The following JMY variants were observed in gnomAD, a reference collection of about 807,000 sequenced individuals.
JMY encodes junction mediating and regulatory protein, p53 cofactor.
A neutral mutation model predicts 103.3 loss-of-function variants in JMY; 46 were observed. The ratio of observed to expected loss-of-function variants is 0.45; its 90% CI spans 0.35 to 0.57. JMY has a LOEUF of 0.57. Among genes scored for constraint, JMY ranks in the 20% least tolerant of loss-of-function variants. The pLI is 0.00. For synonymous variants in JMY, 526 were observed against 489.3 expected, an observed-to-expected ratio of 1.07 and a Z score of -0.99; for missense variants, 1,238 against 1,255.2, an observed-to-expected ratio of 0.99 and a Z score of 0.21.
chr5:79,247,663 T>A (rs946781131), intron 1 of JMY, among the ~76,000 whole-genome samples: 1 of 151,670 alleles, frequency 6.6e-6, no homozygotes, highest in Non-Finnish European at 1.5e-5. Context: ...TTTATTTATT[T>A]ATTTTTTGAG....
intron 7 of JMY, among the ~76,000 whole-genome samples, chr5:79,307,581 A>G (rs1029784564): frequency 1.4e-4 from 22 of 152,230 alleles, no homozygotes; most frequent in Admixed American, 2.6e-4. Flanking sequence ...CTGGGACTAC[A>G]GGTATGGACT....
chr5:79,293,512 G>T (rs1459040630), intron 4 of JMY, among the ~76,000 whole-genome samples: 1 of 151,834 alleles, frequency 6.6e-6, no homozygotes, highest in Non-Finnish European at 1.5e-5. Context: ...TCATGTCATG[G>T]ACTCCCAAAG....
At chr5:79,315,888 A>G in intron 9 of JMY, 112 bp from the exon 10 acceptor site, 1 of 825,598 alleles carries the variant, frequency 1.2e-6, no homozygotes, top group Non-Finnish European at 2.0e-6. Flanking sequence ...CATTTTGAAG[A>G]TGGTGTTTCA....
intron 2 of JMY, among the ~76,000 whole-genome samples, chr5:79,281,384 T>G (rs1309106324): frequency 6.7e-6 from 1 of 148,228 alleles, no homozygotes; most frequent in African/African-American, 2.5e-5. Context: ...TTTTTTACTT[T>G]TAAAACCTTT....
chr5:79,288,010 G>A (rs550919077), intron 2 of JMY, among the ~76,000 whole-genome samples: 1 of 152,208 alleles, frequency 6.6e-6, no homozygotes, highest in Admixed American at 6.5e-5. Context: ...AAATTCAGAG[G>A]TAATTGCAAT....
intron 1 of JMY, among the ~76,000 whole-genome samples, chr5:79,254,566 T>C (rs1246308764): frequency 6.6e-6 from 1 of 152,190 alleles, no homozygotes; most frequent in East Asian, 1.9e-4. Flanking sequence ...CTCTCACTTC[T>C]TTTAGGATCT....
intron 1 of JMY, among the ~76,000 whole-genome samples, chr5:79,252,714 CCTT>C (rs1745125663): frequency 6.6e-6 from 1 of 152,110 alleles, no homozygotes; most frequent in Non-Finnish European, 1.5e-5. Context: ...TATATAATGA[CCTT>C]CTTTGTCTCT....
At chr5:79,270,941 G>A (rs531302778) in intron 1 of JMY, among the ~76,000 whole-genome samples, 1 of 151,838 alleles carries the variant, frequency 6.6e-6, no homozygotes, top group Non-Finnish European at 1.5e-5. Context: ...ATTATTGACT[G>A]TTGAGCTAGC....
At chr5:79,242,203 TAATA>T (rs569732282) in intron 1 of JMY, among the ~76,000 whole-genome samples, 260 of 152,332 alleles carry the variant, frequency 1.7e-3, no homozygotes, top group Middle Eastern at 3.4e-3. Flanking sequence ...GTAAGCCACA[TAATA>T]AATAGCCTGT....
intron 7 of JMY, among the ~76,000 whole-genome samples, chr5:79,311,980 C>G (rs1470966826): frequency 6.6e-6 from 1 of 152,030 alleles, no homozygotes; most frequent in Non-Finnish European, 1.5e-5. Flanking sequence ...CCACGACCGG[C>G]TAATTTTTGT....
rs1466466475 is a variant in JMY, at chr5:79,237,320, G to A, written c.670G>A (p.Ala224Thr). The A allele has an allele frequency of 1.9e-6, 3 of 1,578,322 alleles. No homozygotes were observed. Among genetic ancestry groups the A allele is most frequent in the East Asian group, 2.4e-5 (1 of 42,320 alleles). Reference protein sequence around the residue: ...PPPATELESPAEECSWAGLFS... With the variant: ...PPPATELESPTEECSWAGLFS... The stretch of plus-strand genomic sequence containing the variant: ...GCCCGCCACCGAGCTGGAGTCTCCG[G>A]CCGAAGAGTGCAGCTGGGCCGGACT... The change falls in exon 1 of 11, where the codon GCC becomes ACC. Residue 224 changes from alanine (A) to threonine (T), a missense_variant. By Grantham distance (58) the Ala-to-Thr change is moderately conservative. Coordinates refer to ENST00000396137, the MANE Select transcript of JMY (RefSeq NM_152405.5).
chr5:79,236,961 C>T lies in JMY; in HGVS notation c.311C>T (p.Pro104Leu). ...GCAACTCTGGTTAGGAGCCCCGGGC[C>T]CCGGCGGAGCTCGGCCTGGGCGGAG... Reference protein sequence around the residue: ...ASATLVRSPGPRRSSAWAEGG... With the variant: ...ASATLVRSPGLRRSSAWAEGG... Residue 104 changes from proline to leucine, a missense_variant, in exon 1 of 11, where the codon CCC becomes CTC. Coordinates refer to ENST00000396137, the MANE Select transcript of JMY (RefSeq NM_152405.5). 5 of 1,450,814 alleles carry T rather than the reference C, an allele frequency of 3.4e-6. No individual in the cohort carries two copies. The highest frequency in any genetic ancestry group is 4.5e-6 in the Non-Finnish European group (5 of 1,104,224). 89.9% of individuals were successfully genotyped at this position (1,450,814 alleles called of 1,614,324 possible).
At chr5:79,271,474 T>A (rs1745781085) in intron 1 of JMY, among the ~76,000 whole-genome samples, 1 of 152,214 alleles carries the variant, frequency 6.6e-6, no homozygotes, top group South Asian at 2.1e-4. Context: ...TTCTTAAATA[T>A]CTGGTAGAAT....
intron 1 of JMY, among the ~76,000 whole-genome samples, chr5:79,255,294 G>T (rs1384335153): frequency 6.6e-6 from 1 of 151,710 alleles, no homozygotes; most frequent in Admixed American, 6.6e-5. Flanking sequence ...ATGGGGTTTC[G>T]CCATGTTGGC....
chr5:79,250,419 A>C (rs1262249780), intron 1 of JMY, among the ~76,000 whole-genome samples: 2 of 152,152 alleles, frequency 1.3e-5, no homozygotes, highest in African/African-American at 4.8e-5. Flanking sequence ...TGTCAATTTT[A>C]TTGATAGCTC....
intron 2 of JMY, among the ~76,000 whole-genome samples, chr5:79,281,451 C>A (rs537059599): frequency 6.8e-6 from 1 of 147,696 alleles, no homozygotes; most frequent in Non-Finnish European, 1.5e-5. Flanking sequence ...TCAGGATCAT[C>A]GAGATGTCAC....
At chr5:79,290,294 C>T (rs770335138) in intron 3 of JMY, 23 bp downstream of exon 3, 1 of 1,437,488 alleles carries the variant, frequency 7.0e-7, no homozygotes, top group South Asian at 1.6e-5. Context: ...GTAAATTTAT[C>T]CTTTAGGTAT....
At chr5:79,284,922 G>T in intron 2 of JMY, 2 of 1,532,570 alleles carry the variant, frequency 1.3e-6, no homozygotes, top group Non-Finnish European at 8.9e-7. Context: ...CCGCCATGGT[G>T]CTGGTCAGAG....
chr5:79,290,387 T>G, intron 3 of JMY, 116 bp downstream of exon 3: 7 of 612,300 alleles, frequency 1.1e-5, no homozygotes, highest in Non-Finnish European at 1.5e-5. Context: ...ATCCCAGCAA[T>G]TAGAGAAAAC....
Sources: gnomAD v4.1 joint callset for allele counts (sites outside exome capture counted in the v4.1 genomes callset) on GRCh38, gnomAD v4.1.1 for gene constraint, MANE v1.5 for transcripts, NCBI Gene and HGNC (gene_info 2026-07-23, HGNC 2026-07-21) for gene names.